Variants in ARHGAP23 observed in about 807,000 individuals in gnomAD.
ARHGAP23 encodes the protein rho GTPase-activating protein 23.
A neutral mutation model predicts 136.3 loss-of-function variants in ARHGAP23; 34 were observed. That is an observed-to-expected ratio of 0.25 (90% CI 0.19 to 0.33). The LOEUF (loss-of-function observed/expected upper bound fraction) is 0.33. Among genes scored for constraint, ARHGAP23 ranks in the 10% least tolerant of loss-of-function variants. ARHGAP23 has a pLI of 1.00. For missense variants in ARHGAP23, 1,808 were observed against 2,139.0 expected, an observed-to-expected ratio of 0.85 and a Z score of 3.05; for synonymous variants, 832 against 920.5, an observed-to-expected ratio of 0.90 and a Z score of 1.74.
Position 38,477,942 on chromosome 17 carries a change from G to GCCTCT in ARHGAP23, c.2436+48_2436+52dup. On this transcript the variant is annotated intron_variant, in intron 12 of 23. Coordinates refer to ENST00000622683, the MANE Select transcript of ARHGAP23 (RefSeq NM_001199417.2). The surrounding 1 kb of genome is among the most constrained non-coding windows in gnomAD (Gnocchi z 6.6). ...GCAGCCACAGAGGGCGGGCGGGGTG[G>GCCTCT]CCTCTCACCGGCTGTGGACCTGGGA... is the stretch of plus-strand genomic sequence containing the variant. 1 of 1,540,178 alleles carries GCCTCT rather than the reference G, an allele frequency of 6.5e-7. No individual in the cohort carries two copies. The highest frequency in any genetic ancestry group is 8.8e-7 in the Non-Finnish European group (1 of 1,139,978).
chr17:38,456,308 G>A (rs150493700), intron 1 of ARHGAP23, among the ~76,000 whole-genome samples: 3 of 152,232 alleles, frequency 2.0e-5, no homozygotes, highest in Non-Finnish European at 4.4e-5. Flanking sequence ...TCCACTGGGT[G>A]TGTGGACAGG....
rs543641537 is a variant in ARHGAP23 at position 38,434,085 on chromosome 17, G to A, written c.63+5537G>A. The stretch of plus-strand genomic sequence containing the variant: ...GGTGATCCACTTGCCTTGGCCTCCC[G>A]AAGTGCTGGGATTACAAGCGTGAGC... On this transcript the variant is annotated intron_variant, in intron 1 of 23. Coordinates refer to ENST00000622683, the MANE Select transcript of ARHGAP23 (RefSeq NM_001199417.2). Among the ~76,000 whole-genome samples the A allele has an allele frequency of 1.9e-4, 29 of 152,188 alleles. 1 individual carries two copies. In the South Asian group the frequency reaches 5.6e-3, roughly 29 times the overall value.
At chr17:38,452,700 G>A (rs1428020251) in intron 1 of ARHGAP23, among the ~76,000 whole-genome samples, 1 of 152,230 alleles carries the variant, frequency 6.6e-6, no homozygotes, top group East Asian at 1.9e-4. Flanking sequence ...AGTCAAGTGG[G>A]CTAGAAATGG....
At chr17:38,495,019 C>T (rs961341679) in intron 20 of ARHGAP23, among the ~76,000 whole-genome samples, 4 of 152,176 alleles carry the variant, frequency 2.6e-5, no homozygotes, top group Admixed American at 1.3e-4. Context: ...TTTTGAATAG[C>T]AGTAGCTGAC....
At chr17:38,422,206 C>T (rs972881586) in intron 1 of ARHGAP23, among the ~76,000 whole-genome samples, 10 of 152,204 alleles carry the variant, frequency 6.6e-5, no homozygotes, top group African/African-American at 2.4e-4. Flanking sequence ...CTTAGCCTCT[C>T]TGTGTCTGTT....
rs887630957 is a variant in ARHGAP23 at position 38,479,439 on chromosome 17, C to T, written c.2440C>T (p.Pro814Ser). 3 of 1,544,984 alleles carry T rather than the reference C, an allele frequency of 1.9e-6. No individual in the cohort carries two copies. The highest frequency in any genetic ancestry group is 2.6e-6 in the Non-Finnish European group (3 of 1,142,672). Reference protein sequence around the residue: ...RENSRAEGEDPGCANQALISK... With the variant: ...RENSRAEGEDSGCANQALISK... ...GCTCTCTCCTCTCCTGCTTCAGGAC[C>T]CCGGCTGTGCCAACCAAGCTCTGAT... Residue 814 changes from proline to serine, a missense_variant, in exon 13 of 24, where the codon CCC becomes TCC. By Grantham distance (74) the Pro-to-Ser change is moderately conservative. Around this residue, in one of 7 missense-constraint regions of ARHGAP23, gnomAD observed 139 missense variants for 264.3 expected, o/e 0.53. Coordinates refer to ENST00000622683, the MANE Select transcript of ARHGAP23 (RefSeq NM_001199417.2).
intron 22 of ARHGAP23, 93 bp from the exon 23 acceptor site, chr17:38,500,504 G>T (rs1597846897): frequency 8.6e-7 from 1 of 1,167,620 alleles, no homozygotes; most frequent in South Asian, 1.3e-5. Flanking sequence ...CCTGGTTTCT[G>T]AAGCCTTTGA....
chr17:38,487,322 T>C (rs986636712), intron 17 of ARHGAP23, among the ~76,000 whole-genome samples: 9 of 152,254 alleles, frequency 5.9e-5, no homozygotes, highest in Admixed American at 5.9e-4. Flanking sequence ...GATGGATATT[T>C]AGGTTGTCTT....
intron 16 of ARHGAP23, among the ~76,000 whole-genome samples, chr17:38,485,527 A>G (rs1431039227): frequency 6.6e-6 from 1 of 152,184 alleles, no homozygotes; most frequent in Non-Finnish European, 1.5e-5. Flanking sequence ...CCAGGAAGGA[A>G]ACAAAGTCAG....
chr17:38,464,476 C>T (rs895934074), intron 6 of ARHGAP23, among the ~76,000 whole-genome samples: 5 of 152,230 alleles, frequency 3.3e-5, no homozygotes, highest in East Asian at 3.8e-4. Flanking sequence ...CTGCCTTGGA[C>T]GCACTCTCCT....
At chr17:38,472,735 C>T (rs551869327) in intron 11 of ARHGAP23, among the ~76,000 whole-genome samples, 5 of 152,234 alleles carry the variant, frequency 3.3e-5, no homozygotes, top group South Asian at 2.1e-4. Flanking sequence ...AGGATGAACC[C>T]GGGTTTGACT....
chr17:38,428,536 C>T lies in ARHGAP23; in HGVS notation c.51C>T (p.Pro17=), dbSNP rs1314615280. The change falls in exon 1 of 24, where the codon CCC becomes CCT. Residue 17 remains proline (P), a synonymous_variant. Transcript: ENST00000622683. ...CLVGIPPRPE[P]RPPQLPLGPR... ...TCGGGATCCCGCCCCGCCCGGAGCCCCGGCCCCCACAGGTGAGGGTGCTGG... is the reference window on the plus strand; with the variant it reads ...TCGGGATCCCGCCCCGCCCGGAGCCTCGGCCCCCACAGGTGAGGGTGCTGG... 2.1e-6 allele frequency: 3 copies of T among 1,453,006 alleles called. No individual in the cohort carries two copies. The Admixed American group carries it at 7.3e-5, about 35-fold the overall frequency. 90.0% of individuals were successfully genotyped at this position (1,453,006 alleles called of 1,614,324 possible).
intron 12 of ARHGAP23, among the ~76,000 whole-genome samples, chr17:38,478,485 G>A (rs1054760254): frequency 1.1e-4 from 17 of 151,196 alleles, no homozygotes; most frequent in South Asian, 6.3e-4. Flanking sequence ...CGCGATCTCA[G>A]CTCACTGCAA....
intron 8 of ARHGAP23, 40 bp downstream of exon 8, chr17:38,469,339 G>T (rs940416877): frequency 1.3e-6 from 2 of 1,524,254 alleles, no homozygotes; most frequent in Admixed American, 4.1e-5. Context: ...CCTCTCCCTC[G>T]CTGCCCAGTC....
intron 16 of ARHGAP23, 72 bp downstream of exon 16, chr17:38,482,750 C>A (rs1209493127): frequency 7.0e-7 from 1 of 1,438,208 alleles, no homozygotes; most frequent in Non-Finnish European, 9.5e-7. Flanking sequence ...TTGGAGAGTT[C>A]TGTGGTCTAT....
chr17:38,480,615 CAG>C (rs1324135534), intron 14 of ARHGAP23, among the ~76,000 whole-genome samples: 3 of 151,004 alleles, frequency 2.0e-5, no homozygotes, highest in African/African-American at 7.3e-5. Flanking sequence ...GCCTGGGTGA[CAG>C]AGCGAGACTC....
chr17:38,510,929 C>A lies in ARHGAP23; in HGVS notation c.4433C>A (p.Pro1478His). The A allele has an allele frequency of 6.8e-7, 1 of 1,472,416 alleles. No homozygotes were observed. The highest frequency in any genetic ancestry group is 8.9e-7 in the Non-Finnish European group (1 of 1,123,278). 91.2% of individuals were successfully genotyped at this position (1,472,416 alleles called of 1,614,324 possible). Residue 1478 changes from proline (P) to histidine (H), a missense_variant, in exon 24 of 24, where the codon CCC (proline) becomes CAC (histidine). Pro to His is a moderately conservative substitution (Grantham distance 77). Around this residue, in one of 7 missense-constraint regions of ARHGAP23, gnomAD observed 506 missense variants for 455.8 expected, o/e 1.11. Coordinates refer to ENST00000622683, the MANE Select transcript of ARHGAP23 (RefSeq NM_001199417.2). This position sits in a 1 kb window ranked among gnomAD's most constrained non-coding sequence, Gnocchi z 4.6. ...GACACGGGGTCCCTGCAGAGCCAGCCCCCGCGCCGCTCGGCCGCCTCCCGC... is the reference window on the plus strand; with the variant it reads ...GACACGGGGTCCCTGCAGAGCCAGCACCCGCGCCGCTCGGCCGCCTCCCGC... ...PGDTGSLQSQ[P>H]PRRSAASRLH...
intron 1 of ARHGAP23, among the ~76,000 whole-genome samples, chr17:38,437,795 AG>A (rs66692693): frequency 2.0e-5 from 3 of 147,532 alleles, no homozygotes; most frequent in East Asian, 2.0e-4. Flanking sequence ...GGCATAACGA[AG>A]GGGGGGGAGG....
intron 22 of ARHGAP23, chr17:38,500,337 G>A: frequency 1.8e-6 from 1 of 545,822 alleles, no homozygotes; most frequent in Non-Finnish European, 3.3e-6. Flanking sequence ...TTAGCCATCG[G>A]TAAATGAGGG....
Sources: allele counts gnomAD v4.1 joint callset (sites outside exome capture counted in the v4.1 genomes callset), GRCh38; gene constraint gnomAD v4.1.1; regional missense constraint gnomAD v4.1.1; non-coding constraint Gnocchi (gnomAD v3.1); transcripts MANE v1.5; gene names NCBI Gene and HGNC (gene_info 2026-07-23, HGNC 2026-07-21).